The following SPMAP2L variants were observed in gnomAD, a reference collection of about 807,000 sequenced individuals.
SPMAP2L encodes the protein sperm microtubule associated protein 2-like.
At chr4:56,589,222 C>T in the SPMAP2L span, among the ~76,000 whole-genome samples, 1 of 152,098 alleles carries the variant, frequency 6.6e-6, no homozygotes, top group African/African-American at 2.4e-5. Flanking sequence ...CTCCTGACCT[C>T]AAGTGATCTG....
chr4:56,612,284 C>T, the SPMAP2L span, among the ~76,000 whole-genome samples: 18 of 152,312 alleles, frequency 1.2e-4, no homozygotes, highest in East Asian at 7.7e-4. Flanking sequence ...CATTTTATGA[C>T]GTTGTTGGTA....
At chr4:56,544,872 G>A in the SPMAP2L span, among the ~76,000 whole-genome samples, 1 of 152,208 alleles carries the variant, frequency 6.6e-6, no homozygotes, top group Non-Finnish European at 1.5e-5. Context: ...GCTCAGCAAC[G>A]GCAGCATTCT....
the SPMAP2L span, chr4:56,596,588 G>T: frequency 1.3e-6 from 2 of 1,533,186 alleles, no homozygotes; most frequent in Non-Finnish European, 8.7e-7. Context: ...AAGTTAGAGG[G>T]TCTGTGCTAT....
the SPMAP2L span, among the ~76,000 whole-genome samples, chr4:56,614,092 C>T: frequency 6.6e-6 from 1 of 151,980 alleles, no homozygotes; most frequent in African/African-American, 2.4e-5. Flanking sequence ...TATAAGAATT[C>T]GAGGGGTCCG....
At chr4:56,548,684 A>G in the SPMAP2L span, 1 of 693,680 alleles carries the variant, frequency 1.4e-6, no homozygotes, top group East Asian at 3.3e-5. Flanking sequence ...CATTTCCCCA[A>G]ATATTTTTTT....
the SPMAP2L span, among the ~76,000 whole-genome samples, chr4:56,610,645 A>T: frequency 6.6e-6 from 1 of 152,234 alleles, no homozygotes; most frequent in African/African-American, 2.4e-5. Flanking sequence ...CAAAAAGAAC[A>T]GTCAGCAGAG....
At chr4:56,600,056 G>T in the SPMAP2L span, among the ~76,000 whole-genome samples, 1 of 150,552 alleles carries the variant, frequency 6.6e-6, no homozygotes, top group African/African-American at 2.5e-5. Flanking sequence ...TACACTGTTG[G>T]TGGGAATGTA....
At chr4:56,591,128 G>A in the SPMAP2L span, among the ~76,000 whole-genome samples, 1,098 of 152,282 alleles carry the variant, frequency 7.2e-3, 15 homozygotes, top group African/African-American at 0.025. Context: ...GGGGTCTGGT[G>A]GGAGGTAATT....
the SPMAP2L span, among the ~76,000 whole-genome samples, chr4:56,597,541 G>C: frequency 2.0e-5 from 3 of 152,138 alleles, no homozygotes; most frequent in African/African-American, 7.2e-5. Flanking sequence ...ATTCTATTAG[G>C]AAAGAAAACC....
At chr4:56,565,813 G>A in the SPMAP2L span, among the ~76,000 whole-genome samples, 3 of 152,050 alleles carry the variant, frequency 2.0e-5, no homozygotes, top group African/African-American at 7.2e-5. Context: ...TTTTGAATAA[G>A]GGATACAGTT....
chr4:56,546,909 G>A, the SPMAP2L span, among the ~76,000 whole-genome samples: 17 of 152,138 alleles, frequency 1.1e-4, no homozygotes, highest in African/African-American at 3.9e-4. Flanking sequence ...CTTAGGTCTG[G>A]AACAACAGAA....
chr4:56,615,228 G>A, the SPMAP2L span, among the ~76,000 whole-genome samples: 1 of 152,204 alleles, frequency 6.6e-6, no homozygotes, highest in Non-Finnish European at 1.5e-5. Flanking sequence ...GCAGGTGGAG[G>A]AAGAATGCTT....
the SPMAP2L span, chr4:56,592,954 C>A: frequency 1.2e-6 from 2 of 1,604,128 alleles, no homozygotes; most frequent in Non-Finnish European, 1.7e-6. Context: ...CTGCCAACAT[C>A]CATTTGAAAA....
the SPMAP2L span, among the ~76,000 whole-genome samples, chr4:56,561,053 C>G: frequency 6.6e-6 from 1 of 152,148 alleles, no homozygotes; most frequent in East Asian, 1.9e-4. Context: ...GCCAGACATG[C>G]TTTTTAATCT....
At chr4:56,548,854 G>A in the SPMAP2L span, 1 of 1,415,990 alleles carries the variant, frequency 7.1e-7, no homozygotes, top group Non-Finnish European at 9.2e-7. Flanking sequence ...TATTTTCACA[G>A]ACCTAAACTA....
the SPMAP2L span, chr4:56,593,780 G>A: frequency 6.3e-7 from 1 of 1,586,716 alleles, no homozygotes; most frequent in Non-Finnish European, 8.7e-7. Flanking sequence ...CACTGAGAGA[G>A]ACATGGCTAC....
chr4:56,565,386 A>T, the SPMAP2L span, among the ~76,000 whole-genome samples: 58 of 152,346 alleles, frequency 3.8e-4, no homozygotes, highest in African/African-American at 1.1e-3. Context: ...ACAGTTGAGC[A>T]TCCCTAATAA....
At chr4:56,552,668 C>G in the SPMAP2L span, 2 of 964,818 alleles carry the variant, frequency 2.1e-6, no homozygotes, top group Non-Finnish European at 3.2e-6. Flanking sequence ...TTACATAAAA[C>G]AGGTAAGTAT....
At chr4:56,540,683 CA>C in the SPMAP2L span, among the ~76,000 whole-genome samples, 13 of 152,076 alleles carry the variant, frequency 8.5e-5, no homozygotes, top group South Asian at 2.7e-3. Flanking sequence ...GAAAGACAGC[CA>C]AAGCCCATCA....
Sources: gnomAD v4.1 joint callset for allele counts (sites outside exome capture counted in the v4.1 genomes callset) on GRCh38, gnomAD v4.1.1 for gene constraint, MANE v1.5 for transcripts, NCBI Gene and HGNC (gene_info 2026-07-23, HGNC 2026-07-21) for gene names.